The following RBFOX1 variants were observed in gnomAD, a reference collection of about 807,000 sequenced individuals.
RBFOX1 encodes the protein RNA binding fox-1 homolog 1.
RBFOX1 carries 8 observed loss-of-function variants against 57.7 expected under a neutral mutation model. The ratio of observed to expected loss-of-function variants is 0.14; its 90% CI spans 0.08 to 0.25. RBFOX1 has a LOEUF of 0.25. Among genes scored for constraint, RBFOX1 ranks in the 10% least tolerant of loss-of-function variants. The pLI is 1.00. For missense variants in RBFOX1, 611 were observed against 548.5 expected (o/e 1.11, Z -1.14); for synonymous variants, 326 against 222.4 (o/e 1.47, Z -4.15).
At chr16:6,907,229 A>G (rs968352043) in intron 3 of RBFOX1, among the ~76,000 whole-genome samples, 3 of 152,172 alleles carry the variant, frequency 2.0e-5, no homozygotes, top group Non-Finnish European at 4.4e-5. Flanking sequence ...AATATCCTAC[A>G]GTGCGCAGGA....
At chr16:7,582,226 T>C (rs2152854691) in intron 6 of RBFOX1, among the ~76,000 whole-genome samples, 1 of 152,290 alleles carries the variant, frequency 6.6e-6, no homozygotes, top group South Asian at 2.1e-4. Context: ...AAGATGTCAA[T>C]TTGGCAAGAT....
rs869240597 is a variant in RBFOX1, at chr16:5,651,040, C to CTTTTTTTTTTTTTTTTTTTTTT, written c.318+52088_318+52109dup. On this transcript the variant is annotated intron_variant, in intron 3 of 19. Transcript: ENST00000641259. Reference sequence around the variant, plus strand: ...TCCTCTGGGAGAACACTACCTCCTTCTTTTTTTTTTTTTTTTTTTTTTTTT... The same window carrying CTTTTTTTTTTTTTTTTTTTTTT: ...TCCTCTGGGAGAACACTACCTCCTTCTTTTTTTTTTTTTTTTTTTTTTTTTTTTTTTTTTTTTTTTTTTTTTT... 5.3e-5 allele frequency among the ~76,000 whole-genome samples: 3 copies of CTTTTTTTTTTTTTTTTTTTTTT among 56,896 alleles called. 1 individual carries two copies. Among genetic ancestry groups the CTTTTTTTTTTTTTTTTTTTTTT allele is most frequent in the Admixed American group, 7.3e-4 (2 of 2,758 alleles). 37.3% of individuals were successfully genotyped at this position (56,896 alleles called of 152,430 possible).
intron 1 of RBFOX1, among the ~76,000 whole-genome samples, chr16:5,297,934 C>G (rs1423232097): frequency 6.6e-6 from 1 of 152,116 alleles, no homozygotes; most frequent in Non-Finnish European, 1.5e-5. Flanking sequence ...TTTGTATTCT[C>G]CCTTTTAAAC....
rs182573432 is a variant in RBFOX1 at position 6,845,091 on chromosome 16, G to T, written c.-16+190441G>T. On this transcript the variant is annotated intron_variant, in intron 3 of 15. Coordinates refer to ENST00000550418, the MANE Select transcript of RBFOX1 (RefSeq NM_018723.4). ...CACTCTGGATATTAGACCTTTGTCA[G>T]ATGGATAGATTGCGAACATTGTCTG... 7.2e-5 allele frequency among the ~76,000 whole-genome samples: 11 copies of T among 152,274 alleles called. No homozygotes were observed. The East Asian group carries it at 1.7e-3, about 24-fold the overall frequency.
In RBFOX1 at chr16:6,146,472, G is replaced by A. The variant is rs181701573; in HGVS notation, c.-127+126480G>A. Among the ~76,000 whole-genome samples, 8 of 152,224 alleles carry A rather than the reference G, an allele frequency of 5.3e-5. No individual in the cohort carries two copies. The East Asian group carries it at 7.7e-4, about 15-fold the overall frequency. On this transcript the variant is annotated intron_variant, in intron 1 of 15. Coordinates refer to ENST00000550418, the MANE Select transcript of RBFOX1 (RefSeq NM_018723.4). ...GTACATTGTAGGATGGTTGGCAGCC[G>A]TAGATGCTGGTAAAACCCCCTCTAG...
At chr16:6,393,082 T>C (rs558805033) in intron 2 of RBFOX1, among the ~76,000 whole-genome samples, 1 of 152,334 alleles carries the variant, frequency 6.6e-6, no homozygotes, top group African/African-American at 2.4e-5. Context: ...TACTTACACT[T>C]TCCTTTGAAA....
chr16:6,247,395 C>G (rs777950665), intron 1 of RBFOX1, among the ~76,000 whole-genome samples: 1 of 152,118 alleles, frequency 6.6e-6, no homozygotes, highest in Admixed American at 6.6e-5. Flanking sequence ...TTACATCAAC[C>G]ATAAAATGAT....
intron 4 of RBFOX1, among the ~76,000 whole-genome samples, chr16:5,878,104 A>G (rs1180583813): frequency 3.3e-5 from 5 of 152,030 alleles, no homozygotes; most frequent in African/African-American, 7.2e-5. Flanking sequence ...AATAGCAAAG[A>G]GATTGCTTTG....
intron 4 of RBFOX1, among the ~76,000 whole-genome samples, chr16:7,109,829 C>T (rs1403440804): frequency 1.3e-5 from 2 of 152,118 alleles, no homozygotes; most frequent in Non-Finnish European, 2.9e-5. Context: ...CACAGCCTTG[C>T]ACTACGTGAT....
chr16:5,740,747 C>G (rs991450967), intron 3 of RBFOX1, among the ~76,000 whole-genome samples: 2 of 152,166 alleles, frequency 1.3e-5, no homozygotes, highest in Admixed American at 6.5e-5. Context: ...TGTGGGTACT[C>G]TAATCCACAT....
intron 3 of RBFOX1, among the ~76,000 whole-genome samples, chr16:7,050,445 T>C (rs944054964): frequency 1.3e-5 from 2 of 152,134 alleles, no homozygotes; most frequent in African/African-American, 4.8e-5. Flanking sequence ...TTTGTATTTT[T>C]AGTAGAGAAG....
chr16:5,984,724 G>T (rs1399821386), intron 4 of RBFOX1, among the ~76,000 whole-genome samples: 3 of 151,958 alleles, frequency 2.0e-5, no homozygotes, highest in African/African-American at 7.3e-5. Context: ...ATCACAGAAG[G>T]CACTTAACGC....
chr16:5,634,457 C>T (rs564447317), intron 3 of RBFOX1, among the ~76,000 whole-genome samples: 34 of 152,040 alleles, frequency 2.2e-4, no homozygotes, highest in African/African-American at 8.0e-4. Context: ...TTTTAAATTG[C>T]AAAGGGAGTA....
At chr16:6,881,581 C>A (rs1357860263) in intron 3 of RBFOX1, among the ~76,000 whole-genome samples, 1 of 152,190 alleles carries the variant, frequency 6.6e-6, no homozygotes, top group African/African-American at 2.4e-5. Context: ...ACACTCCAGT[C>A]ATACTGGCTT....
At chr16:7,439,623 C>G (rs945822238) in intron 4 of RBFOX1, among the ~76,000 whole-genome samples, 4 of 152,174 alleles carry the variant, frequency 2.6e-5, no homozygotes, top group African/African-American at 9.7e-5. Context: ...CCCAACGCTG[C>G]TCAGTTTTTC....
rs537200918 is a variant in RBFOX1 at position 6,796,600 on chromosome 16, C to T, written c.-16+141950C>T. ...CCTTCTACCCTTATTCATACCTATC[C>T]TAAACACTTTTCAAAGGAACTTTCT... On this transcript the variant is annotated intron_variant, in intron 3 of 15. Coordinates refer to ENST00000550418, the MANE Select transcript of RBFOX1 (RefSeq NM_018723.4). 2.3e-3 allele frequency among the ~76,000 whole-genome samples: 350 copies of T among 152,234 alleles called. 3 individuals are homozygous for T. The highest frequency in any genetic ancestry group is 8.1e-3 in the African/African-American group (337 of 41,548).
intron 4 of RBFOX1, among the ~76,000 whole-genome samples, chr16:7,280,207 C>T (rs923315967): frequency 3.3e-5 from 5 of 152,210 alleles, no homozygotes; most frequent in African/African-American, 1.2e-4. Flanking sequence ...CTGTTTTCCT[C>T]ATCCATTCAG....
intron 2 of RBFOX1, among the ~76,000 whole-genome samples, chr16:6,317,648 A>C (rs570721264): frequency 5.5e-4 from 83 of 152,236 alleles, no homozygotes; most frequent in African/African-American, 1.9e-3. Flanking sequence ...TTCTCATTGC[A>C]TGCAAGGACT....
chr16:7,446,961 C>T (rs947282188), intron 4 of RBFOX1, among the ~76,000 whole-genome samples: 9 of 151,264 alleles, frequency 5.9e-5, no homozygotes, highest in East Asian at 2.0e-4. Flanking sequence ...TACAGGTGCC[C>T]GCCACCACAC....
Sources: gnomAD v4.1 joint callset for allele counts (sites outside exome capture counted in the v4.1 genomes callset) on GRCh38, gnomAD v4.1.1 for gene constraint, MANE v1.5 for transcripts, NCBI Gene and HGNC (gene_info 2026-07-23, HGNC 2026-07-21) for gene names.